The following ABCA13 variants were observed in gnomAD, a reference collection of about 807,000 sequenced individuals.
ABCA13 encodes ATP-binding cassette sub-family A member 13.
ABCA13 carries 476 observed loss-of-function variants against 478.7 expected under a neutral mutation model. The observed-to-expected ratio is 0.99, with a 90% CI of 0.92 to 1.07. The LOEUF is 1.07. Among genes scored for constraint, ABCA13 ranks in the 50% least tolerant of loss-of-function variants. ABCA13 has a pLI of 0.00. For synonymous variants in ABCA13, 2,252 were observed against 2,158.9 expected, an observed-to-expected ratio of 1.04 and a Z score of -1.20; for missense variants, 6,060 against 5,910.6, an observed-to-expected ratio of 1.03 and a Z score of -0.83.
chr7:48,387,911 T>C lies in ABCA13; in HGVS notation c.11425T>C (p.Phe3809Leu), dbSNP rs778793934. 1 of 1,613,332 alleles carries C rather than the reference T, an allele frequency of 6.2e-7. No individual in the cohort carries two copies. The highest frequency in any genetic ancestry group is 8.5e-7 in the Non-Finnish European group (1 of 1,179,588). Residue 3809 changes from phenylalanine to leucine, a missense_variant, in exon 36 of 62, where the codon TTT (phenylalanine) becomes CTT (leucine). Coordinates refer to ENST00000435803, the MANE Select transcript of ABCA13 (RefSeq NM_152701.5). ...VGFLVEKRQY[F>L]LSSSLFFFNE... ...TTTCTTGGTGGAGAAAAGGCAATAC[T>C]TTCTAAGTTCTAGTCTGTTCTTCTT... is the stretch of plus-strand genomic sequence containing the variant.
At chr7:48,374,215 C>T (rs1203245694) in intron 33 of ABCA13, 132 bp from the exon 34 acceptor site, 3 of 732,272 alleles carry the variant, frequency 4.1e-6, no homozygotes, top group Non-Finnish European at 6.7e-6. Context: ...AAATGACTGC[C>T]TGAAGCGATG....
chr7:48,482,967 C>G, intron 46 of ABCA13, 109 bp from the exon 47 acceptor site: 1 of 776,478 alleles, frequency 1.3e-6, no homozygotes, highest in East Asian at 2.8e-5. Context: ...GCTCAGTTGG[C>G]TACTGTCCTA....
At position 48,272,003 on chromosome 7, in the gene ABCA13, A is replaced by C. The variant is rs1795678699; in HGVS notation, c.2337A>C (p.Lys779Asn). Residue 779 changes from lysine (K) to asparagine (N), a missense_variant, in exon 17 of 62, where the codon AAA becomes AAC. Lys to Asn is a moderately conservative substitution (Grantham distance 94, BLOSUM62 0). Transcript: ENST00000435803. Reference sequence around the variant, plus strand: ...GTTCTCTGTGGACAAATCATTTAAAAAGTTTAAAGAGAGACCCATCTGCCA... The same window carrying C: ...GTTCTCTGTGGACAAATCATTTAAACAGTTTAAAGAGAGACCCATCTGCCA... Reference protein sequence around the residue: ...NISSLWTNHLKSLKRDPSATD... With the variant: ...NISSLWTNHLNSLKRDPSATD... 1.2e-6 allele frequency: 2 copies of C among 1,613,650 alleles called. No homozygotes were observed. The highest frequency in any genetic ancestry group is 1.7e-4 in the Middle Eastern group (1 of 6,060).
chr7:48,497,565 A>G (rs902499219), intron 48 of ABCA13, among the ~76,000 whole-genome samples: 17 of 152,206 alleles, frequency 1.1e-4, no homozygotes, highest in African/African-American at 3.9e-4. Flanking sequence ...TTGAGGAATC[A>G]TATGAGAGCC....
intron 55 of ABCA13, among the ~76,000 whole-genome samples, chr7:48,544,213 A>G (rs960761064): frequency 4.6e-5 from 7 of 151,786 alleles, no homozygotes; most frequent in African/African-American, 1.7e-4. Context: ...CAGGTGCCAT[A>G]AAAGAAGAAA....
At chr7:48,376,301 T>A in intron 34 of ABCA13, 140 bp from the exon 35 acceptor site, 1 of 934,440 alleles carries the variant, frequency 1.1e-6, no homozygotes, top group Non-Finnish European at 1.6e-6. Flanking sequence ...TGAAAAGTTA[T>A]GGCCAGTGAT....
In ABCA13 at chr7:48,403,883, G is replaced by A. The variant is rs767193205; in HGVS notation, c.12070+4G>A. The A allele has an allele frequency of 1.9e-6, 3 of 1,611,566 alleles. No individual in the cohort carries two copies. In the African/African-American group the frequency reaches 4.0e-5, roughly 22 times the overall value. ...ATTCTGCTCAAGTACCGAGAAGGTAGGCACTGGGCCTCATTCTGCCTTCTC... is the reference window on the plus strand; with the variant it reads ...ATTCTGCTCAAGTACCGAGAAGGTAAGCACTGGGCCTCATTCTGCCTTCTC... On this transcript the variant is annotated splice_donor_region_variant and intron_variant, in intron 39 of 61. Coordinates refer to ENST00000435803, the MANE Select transcript of ABCA13 (RefSeq NM_152701.5).
chr7:48,511,179 C>G lies in ABCA13; in HGVS notation c.13620C>G (p.Ala4540=), dbSNP rs760747029. The G allele has an allele frequency of 1.9e-6, 3 of 1,611,932 alleles. No individual in the cohort carries two copies. The East Asian group carries it at 6.7e-5, about 36-fold the overall frequency. ...FTFRKNLAAT[A]LLLSLFGYAT... is the part of the protein sequence containing the mutation. ...TCCGCAAGAACTTGGCAGCCACGGC[C>G]CTCCTGCTGTCACTTTTCGGGTATG... Residue 4540 remains alanine (A), a synonymous_variant, in exon 51 of 62, where the codon GCC becomes GCG. Coordinates refer to ENST00000435803, the MANE Select transcript of ABCA13 (RefSeq NM_152701.5).
At chr7:48,296,917 C>T (rs562087636) in intron 21 of ABCA13, among the ~76,000 whole-genome samples, 2 of 152,310 alleles carry the variant, frequency 1.3e-5, no homozygotes, top group South Asian at 2.1e-4. Context: ...CCTAATTTCT[C>T]GTACGTTCCA....
intron 1 of ABCA13, among the ~76,000 whole-genome samples, chr7:48,186,728 A>T (rs1277876191): frequency 6.6e-6 from 1 of 151,922 alleles, no homozygotes; most frequent in Non-Finnish European, 1.5e-5. Context: ...TTTTTTGGTC[A>T]CTTTCCTCTC....
intron 39 of ABCA13, among the ~76,000 whole-genome samples, chr7:48,408,497 A>G (rs1464322263): frequency 2.6e-5 from 4 of 152,304 alleles, no homozygotes; most frequent in South Asian, 4.1e-4. Context: ...ATACATGTGC[A>G]AGAACTGGTC....
At chr7:48,254,433 T>A (rs1018165043) in intron 15 of ABCA13, among the ~76,000 whole-genome samples, 4 of 152,082 alleles carry the variant, frequency 2.6e-5, no homozygotes, top group Non-Finnish European at 5.9e-5. Flanking sequence ...GCAGCTAATT[T>A]TTTTATTTTA....
Position 48,313,113 on chromosome 7 carries a change from A to T in ABCA13, c.9563A>T (p.Asp3188Val). The part of the protein sequence containing the change: ...EANGLLNSLL[D>V]IVSSLSALLA... Reference sequence around the variant, plus strand: ...AATGGCTTGCTCAACTCCTTGCTGGATATAGTTTCCAGCCTCAGCGCCTTG... The same window carrying T: ...AATGGCTTGCTCAACTCCTTGCTGGTTATAGTTTCCAGCCTCAGCGCCTTG... Residue 3188 changes from aspartate to valine, a missense_variant, in exon 25 of 62, where the codon GAT becomes GTT. By Grantham distance (152) the Asp-to-Val change is radical. Coordinates refer to ENST00000435803, the MANE Select transcript of ABCA13 (RefSeq NM_152701.5). 1 of 1,612,510 alleles carries T rather than the reference A, an allele frequency of 6.2e-7. No individual in the cohort carries two copies. Among genetic ancestry groups the T allele is most frequent in the South Asian group, 1.1e-5 (1 of 90,712 alleles).
chr7:48,452,899 C>A (rs999884075), intron 42 of ABCA13, among the ~76,000 whole-genome samples: 3 of 152,110 alleles, frequency 2.0e-5, no homozygotes, highest in African/African-American at 7.2e-5. Flanking sequence ...TTAGAGAATT[C>A]AAATACTTAT....
intron 48 of ABCA13, among the ~76,000 whole-genome samples, chr7:48,495,956 A>T (rs1000841218): frequency 2.6e-5 from 4 of 152,134 alleles, no homozygotes; most frequent in Non-Finnish European, 5.9e-5. Context: ...TTTACATAAT[A>T]TATCTTTCCC....
chr7:48,220,758 C>A (rs1664825438), intron 4 of ABCA13, among the ~76,000 whole-genome samples: 13 of 152,122 alleles, frequency 8.5e-5, no homozygotes, highest in Admixed American at 8.5e-4. Context: ...ATTTGATTTT[C>A]AAATGAGGTT....
intron 59 of ABCA13, among the ~76,000 whole-genome samples, chr7:48,639,662 G>A (rs965474442): frequency 6.6e-5 from 10 of 152,124 alleles, no homozygotes; most frequent in Admixed American, 2.6e-4. Flanking sequence ...TAGACTCCTC[G>A]TGGGGCAGAT....
intron 56 of ABCA13, 42 bp from the exon 57 acceptor site, chr7:48,587,112 T>C: frequency 4.3e-6 from 7 of 1,610,188 alleles, no homozygotes; most frequent in Non-Finnish European, 5.9e-6. Context: ...GGTGGGCACT[T>C]TGGTGAATGC....
At chr7:48,599,777 A>G (rs369821282) in intron 58 of ABCA13, among the ~76,000 whole-genome samples, 2 of 152,060 alleles carry the variant, frequency 1.3e-5, no homozygotes, top group South Asian at 2.1e-4. Flanking sequence ...CCTCTCCCCC[A>G]TCCCCCACAA....
Sources: allele counts gnomAD v4.1 joint callset (sites outside exome capture counted in the v4.1 genomes callset), GRCh38; gene constraint gnomAD v4.1.1; transcripts MANE v1.5; gene names NCBI Gene and HGNC (gene_info 2026-07-23, HGNC 2026-07-21).